Variants in FOXN3 observed in about 807,000 individuals in gnomAD.
FOXN3 encodes the protein forkhead box protein N3.
FOXN3 carries 7 observed loss-of-function variants against 38.4 expected under a neutral mutation model. The ratio of observed to expected loss-of-function variants is 0.18; its 90% CI spans 0.10 to 0.34. The LOEUF is 0.34. Among genes scored for constraint, FOXN3 ranks in the 10% least tolerant of loss-of-function variants. FOXN3 has a pLI of 1.00. For synonymous variants in FOXN3, 230 were observed against 242.2 expected (o/e 0.95, Z 0.47); for missense variants, 456 against 613.4 (o/e 0.74, Z 2.71).
chr14:89,280,932 G>T lies in FOXN3; in HGVS notation c.745+18C>A. 6.2e-7 allele frequency: 1 copy of T among 1,608,754 alleles called. No individual in the cohort carries two copies. Among genetic ancestry groups the T allele is most frequent in the Admixed American group, 1.7e-5 (1 of 59,918 alleles). On this transcript the variant is annotated intron_variant, in intron 4 of 5. Transcript: ENST00000557258. ...GGGTGAGGGGGAGGGAGAGGAAGGG[G>T]TGTTACTAGGGACCTACCTTGGAGA...
chr14:89,360,755 C>CACCACCTCCAGCACT (rs1889486999), intron 2 of FOXN3, among the ~76,000 whole-genome samples: 5 of 109,778 alleles, frequency 4.6e-5, no homozygotes, highest in South Asian at 3.4e-4. Context: ...CCTCCACCAC[C>CACCACCTCCAGCACT]ACCTCCACCA....
chr14:89,450,566 AT>A lies in FOXN3; in HGVS notation c.-14-38077del, dbSNP rs201045163. 3.4e-3 allele frequency among the ~76,000 whole-genome samples: 508 copies of A among 149,202 alleles called. 2 individuals are homozygous for A. The highest frequency in any genetic ancestry group is 7.2e-3 in the Admixed American group (107 of 14,838). ...AAAGTTCCTTCCAGCTCAGAAAAAAATAACATTCTCGACTTCATCTTTCCTT... is the reference window on the plus strand; with the variant it reads ...AAAGTTCCTTCCAGCTCAGAAAAAAAAACATTCTCGACTTCATCTTTCCTT... On this transcript the variant is annotated intron_variant, in intron 1 of 6. Transcript: ENST00000345097.
In FOXN3 at chr14:89,256,967, A is replaced by G. The variant is rs183006682; in HGVS notation, c.745+23983T>C. Reference sequence around the variant, plus strand: ...AAAAGCAGTATAGTTTAGACCCCTCAAGATATTCATTATTTTCTGTGTGAA... The same window carrying G: ...AAAAGCAGTATAGTTTAGACCCCTCGAGATATTCATTATTTTCTGTGTGAA... On this transcript the variant is annotated intron_variant, in intron 4 of 5. Transcript: ENST00000557258. 1.2e-3 allele frequency among the ~76,000 whole-genome samples: 181 copies of G among 152,342 alleles called. 1 individual carries two copies. Among genetic ancestry groups the G allele is most frequent in the South Asian group, 1.9e-3 (9 of 4,834 alleles).
intron 1 of FOXN3, among the ~76,000 whole-genome samples, chr14:89,597,974 T>G (rs763869177): frequency 6.6e-6 from 1 of 152,120 alleles, no homozygotes; most frequent in Non-Finnish European, 1.5e-5. Flanking sequence ...TCACCTACTC[T>G]AGGATCCTTT....
At chr14:89,288,522 A>C (rs946712295) in intron 3 of FOXN3, among the ~76,000 whole-genome samples, 1 of 121,434 alleles carries the variant, frequency 8.2e-6, no homozygotes, top group African/African-American at 2.9e-5. Flanking sequence ...ACAGTTGAAA[A>C]ATGATGTTTA....
intron 1 of FOXN3, chr14:89,486,661 T>C (rs1893453407): frequency 6.6e-6 from 1 of 152,084 alleles, no homozygotes; most frequent in Admixed American, 6.6e-5. Flanking sequence ...ATGCTGGTCT[T>C]CTAGAGGCTG....
rs946553843 is a variant in FOXN3, at chr14:89,159,783, T to C, written c.*2631A>G. The C allele has an allele frequency of 1.3e-5, 2 of 152,294 alleles. No individual in the cohort carries two copies. Among genetic ancestry groups the C allele is most frequent in the African/African-American group, 4.8e-5 (2 of 41,440 alleles). The allele number at this position is 152,294 out of a possible 1,614,324, so 9.4% of individuals were successfully genotyped here. On this transcript the variant is annotated 3_prime_UTR_variant, in exon 6 of 6. Transcript: ENST00000557258. Reference sequence around the variant, plus strand: ...CAAGGTGTCGCTCAGGTTCCATAGCTGTGGATGGCTTTTAGGGTGTCAGAT... The same window carrying C: ...CAAGGTGTCGCTCAGGTTCCATAGCCGTGGATGGCTTTTAGGGTGTCAGAT...
chr14:89,212,287 C>A (rs1049590033), intron 4 of FOXN3, among the ~76,000 whole-genome samples: 3 of 152,186 alleles, frequency 2.0e-5, no homozygotes, highest in Non-Finnish European at 2.9e-5. Context: ...GTTGGGGGCA[C>A]TGTGGATTGC....
intron 2 of FOXN3, among the ~76,000 whole-genome samples, chr14:89,389,780 T>A (rs189157299): frequency 1.3e-5 from 2 of 152,262 alleles, no homozygotes; most frequent in Admixed American, 6.5e-5. Context: ...AATCCACCAG[T>A]CATCTCACAG....
intron 1 of FOXN3, among the ~76,000 whole-genome samples, chr14:89,607,510 G>A (rs1194713611): frequency 6.7e-6 from 1 of 149,728 alleles, no homozygotes; most frequent in Non-Finnish European, 1.5e-5. Flanking sequence ...AATCAGCCGA[G>A]ATTACCCCAC....
intron 1 of FOXN3, among the ~76,000 whole-genome samples, chr14:89,567,692 T>C (rs1411746762): frequency 1.3e-5 from 2 of 151,314 alleles, no homozygotes; most frequent in African/African-American, 4.9e-5. Context: ...GCTTCAAAGG[T>C]GTTTTGTGCC....
chr14:89,409,670 G>A lies in FOXN3; in HGVS notation c.543+2264C>T, dbSNP rs1326638334. 6.6e-5 allele frequency among the ~76,000 whole-genome samples: 10 copies of A among 152,242 alleles called. No individual in the cohort carries two copies. The East Asian group carries it at 1.7e-3, about 26-fold the overall frequency. Reference sequence around the variant, plus strand: ...ACCTGAGCAGCACTTTCTTCTCCACGTTCTCAGTCTGGAATTGCTTTTGAA... The same window carrying A: ...ACCTGAGCAGCACTTTCTTCTCCACATTCTCAGTCTGGAATTGCTTTTGAA... On this transcript the variant is annotated intron_variant, in intron 2 of 5. Coordinates refer to ENST00000557258, the MANE Select transcript of FOXN3 (RefSeq NM_005197.4).
At chr14:89,174,384 A>C (rs1887466111) in intron 5 of FOXN3, among the ~76,000 whole-genome samples, 1 of 152,190 alleles carries the variant, frequency 6.6e-6, no homozygotes, top group Non-Finnish European at 1.5e-5. Flanking sequence ...ACTCAGTGGT[A>C]ATATCCAGGG....
At chr14:89,360,833 T>TCCAGCACCACCTCCACC (rs1889522352) in intron 2 of FOXN3, among the ~76,000 whole-genome samples, 1 of 4,826 alleles carries the variant, frequency 2.1e-4, no homozygotes, top group Non-Finnish European at 3.5e-4. Context: ...CCTCCACCAC[T>TCCAGCACCACCTCCACC]ACCACCTCCA....
At chr14:89,335,235 A>G (rs543347846) in intron 3 of FOXN3, among the ~76,000 whole-genome samples, 10 of 152,304 alleles carry the variant, frequency 6.6e-5, no homozygotes, top group African/African-American at 2.4e-4. Context: ...TTATTCATCA[A>G]TTATATTTCA....
chr14:89,565,563 T>C (rs1233026347), intron 1 of FOXN3, among the ~76,000 whole-genome samples: 1 of 152,138 alleles, frequency 6.6e-6, no homozygotes, highest in Non-Finnish European at 1.5e-5. Context: ...ACATGAAGTG[T>C]TTGGGCTGGA....
At chr14:89,585,873 T>G (rs917237001) in intron 1 of FOXN3, among the ~76,000 whole-genome samples, 1 of 151,518 alleles carries the variant, frequency 6.6e-6, no homozygotes, top group Non-Finnish European at 1.5e-5. Flanking sequence ...AAAGAAAAGG[T>G]AGGGCAGGAT....
chr14:89,557,195 T>C (rs1181300029), intron 1 of FOXN3, among the ~76,000 whole-genome samples: 1 of 152,180 alleles, frequency 6.6e-6, no homozygotes, highest in Non-Finnish European at 1.5e-5. Context: ...ACTCACACCT[T>C]TAGCAAAAGG....
Position 89,363,961 on chromosome 14 carries a change from T to TATATATATATATA in FOXN3, c.544-13166_544-13154dup, listed in dbSNP as rs1457674494. Among the ~76,000 whole-genome samples, 56 of 14,672 alleles carry TATATATATATATA rather than the reference T, an allele frequency of 3.8e-3. No homozygotes were observed. In the South Asian group the frequency reaches 0.11, roughly 29 times the overall value. 9.6% of individuals were successfully genotyped at this position (14,672 alleles called of 152,430 possible). A position where few individuals can be genotyped will look rare whatever the true frequency, so the allele number is the denominator to read the frequency against. On this transcript the variant is annotated intron_variant, in intron 2 of 5. Coordinates refer to ENST00000557258, the MANE Select transcript of FOXN3 (RefSeq NM_005197.4). ...CCTGTCTGTAAAATATATATATATA[T>TATATATATATATA]ATATATATATATATATATATATATA...
Sources: gnomAD v4.1 joint callset for allele counts (sites outside exome capture counted in the v4.1 genomes callset) on GRCh38, gnomAD v4.1.1 for gene constraint, MANE v1.5 for transcripts, NCBI Gene and HGNC (gene_info 2026-07-23, HGNC 2026-07-21) for gene names.